EVI5L: variants seen among roughly 807,000 people sequenced by gnomAD.
EVI5L encodes ecotropic viral integration site 5 like.
In EVI5L, 30 loss-of-function variants were observed where a neutral mutation model predicts 106.1. The ratio of observed to expected loss-of-function variants is 0.28; its 90% CI spans 0.21 to 0.38. The LOEUF (loss-of-function observed/expected upper bound fraction) is 0.38, where lower values mean the gene tolerates loss of function less well. Among genes scored for constraint, EVI5L ranks in the 10% least tolerant of loss-of-function variants. The pLI is 1.00. For missense variants in EVI5L, 809 were observed against 1,098.0 expected, an observed-to-expected ratio of 0.74 and a Z score of 3.72; for synonymous variants, 489 against 483.3, an observed-to-expected ratio of 1.01 and a Z score of -0.15.
At position 7,862,238 on chromosome 19, in the gene EVI5L, C is replaced by T. The variant is rs1020595186; in HGVS notation, c.1761C>T (p.Gly587=). The T allele has an allele frequency of 4.4e-6, 7 of 1,573,364 alleles. No individual in the cohort carries two copies. Among genetic ancestry groups the T allele is most frequent in the African/African-American group, 1.3e-5 (1 of 74,246 alleles). ...GCGAGGCCCAGGCCCTGGCCGAGGG[C>T]CGCGAGCTGCGGCAGCGCGTGGTGG... ...RLREAQALAE[G]RELRQRVVEL... is the part of the protein sequence containing the mutation. The change falls in exon 16 of 20, where the codon GGC becomes GGT. Residue 587 remains glycine (G), a synonymous_variant. Coordinates refer to ENST00000538904, the MANE Select transcript of EVI5L (RefSeq NM_001159944.3).
chr19:7,854,075 A>G (rs558732926), intron 10 of EVI5L, among the ~76,000 whole-genome samples: 15 of 152,254 alleles, frequency 9.9e-5, no homozygotes, highest in African/African-American at 1.7e-4. Flanking sequence ...TGAGGTCAGG[A>G]GTTCGAGACC....
At chr19:7,832,130 A>T (rs1978296005) in intron 1 of EVI5L, among the ~76,000 whole-genome samples, 1 of 150,198 alleles carries the variant, frequency 6.7e-6, no homozygotes, top group Admixed American at 6.6e-5. Flanking sequence ...CGCCCTCCCC[A>T]CTCCCAGCTC....
intron 1 of EVI5L, among the ~76,000 whole-genome samples, chr19:7,842,588 A>G (rs575935): frequency 1 from 151,771 of 151,824 alleles, 75,859 homozygotes; most frequent in Middle Eastern, 1. Flanking sequence ...TGTATCAAGC[A>G]TGTGTGAATG....
At chr19:7,862,061 G>T in intron 15 of EVI5L, 43 bp downstream of exon 15, 1 of 1,544,400 alleles carries the variant, frequency 6.5e-7, no homozygotes. Flanking sequence ...GCCCCCTAGG[G>T]CCATCCCCTC....
intron 1 of EVI5L, among the ~76,000 whole-genome samples, chr19:7,839,599 A>G (rs1281476530): frequency 6.6e-6 from 1 of 152,106 alleles, no homozygotes; most frequent in Non-Finnish European, 1.5e-5. Flanking sequence ...GAAAGGACAG[A>G]AAGTTCAATG....
At position 7,863,743 on chromosome 19, in the gene EVI5L, C is replaced by CG; in HGVS notation, c.*47dup. On this transcript the variant is annotated 3_prime_UTR_variant, in exon 20 of 20. Coordinates refer to ENST00000538904, the MANE Select transcript of EVI5L (RefSeq NM_001159944.3). This position sits in a 1 kb window ranked among gnomAD's most constrained non-coding sequence, Gnocchi z 7.7. ...GCCCGGAGTCAGGAGGCCGCAGCCG[C>CG]GGGGGGCGCCCGGGCAGTCCGCGTT... is the stretch of plus-strand genomic sequence containing the variant. 2.1e-6 allele frequency: 3 copies of CG among 1,427,812 alleles called. No individual in the cohort carries two copies. The highest frequency in any genetic ancestry group is 2.7e-6 in the Non-Finnish European group (3 of 1,096,944). 88.4% of individuals were successfully genotyped at this position (1,427,812 alleles called of 1,614,324 possible).
chr19:7,856,999 G>A lies in EVI5L; in HGVS notation c.1201-93G>A. 1.5e-6 allele frequency: 2 copies of A among 1,325,274 alleles called. No individual in the cohort carries two copies. The highest frequency in any genetic ancestry group is 2.1e-6 in the Non-Finnish European group (2 of 941,754). The allele number at this position is 1,325,274 out of a possible 1,614,324, so 82.1% of individuals were successfully genotyped here. A position where few individuals can be genotyped will look rare whatever the true frequency, so the allele number is the denominator to read the frequency against. On this transcript the variant is annotated intron_variant, in intron 11 of 19. Coordinates refer to ENST00000538904, the MANE Select transcript of EVI5L (RefSeq NM_001159944.3). This position sits in a 1 kb window ranked among gnomAD's most constrained non-coding sequence, Gnocchi z 6.6. ...TCTAGAGATAGTCCACTGCGTTAGT[G>A]ACAAGTGGTTCTTGTCTGTCTCCCC... is the stretch of plus-strand genomic sequence containing the variant.
intron 17 of EVI5L, 128 bp from the exon 18 acceptor site, chr19:7,862,844 C>T (rs1979905508): frequency 3.5e-6 from 2 of 574,510 alleles, no homozygotes; most frequent in Non-Finnish European, 5.6e-6. Context: ...CCCCTGCCCG[C>T]GGTCCTGCCT....
At chr19:7,859,110 G>A (rs991155262) in intron 13 of EVI5L, 7 of 149,826 alleles carry the variant, frequency 4.7e-5, no homozygotes, top group African/African-American at 1.5e-4. Flanking sequence ...AGAATCACTT[G>A]AACCCGGGAG....
chr19:7,835,346 A>G lies in EVI5L; in HGVS notation c.-48+4965A>G, dbSNP rs1339008180. 6.6e-6 allele frequency among the ~76,000 whole-genome samples: 1 copy of G among 151,796 alleles called. No individual in the cohort carries two copies. Among genetic ancestry groups the G allele is most frequent in the Non-Finnish European group, 1.5e-5 (1 of 67,964 alleles). ...AACACAGTGAAACCCCGTCTCTACTAAAAATACAAAAATTAGCGAGGTATA... is the reference window on the plus strand; with the variant it reads ...AACACAGTGAAACCCCGTCTCTACTGAAAATACAAAAATTAGCGAGGTATA... On this transcript the variant is annotated intron_variant, in intron 1 of 19. Transcript: ENST00000538904. This position sits in a 1 kb window ranked among gnomAD's most constrained non-coding sequence, Gnocchi z 4.1.
At position 7,862,012 on chromosome 19, in the gene EVI5L, C is replaced by T. The variant is rs777515565; in HGVS notation, c.1638C>T (p.Thr546=). 9.1e-6 allele frequency: 14 copies of T among 1,546,082 alleles called. No homozygotes were observed. In the Admixed American group the frequency reaches 2.2e-4, roughly 24 times the overall value. The stretch of plus-strand genomic sequence containing the variant: ...TGCAGCTGCAGGAGCTCTCGGACAC[C>T]TGGCAGGTGAGGGCCGGGTGGGCGC... ...LKLQLQELSD[T]WQAHLARGGR... Residue 546 remains threonine (T), a synonymous_variant, in exon 15 of 20, where the codon ACC becomes ACT. Transcript: ENST00000538904.
intron 1 of EVI5L, among the ~76,000 whole-genome samples, chr19:7,844,153 C>G (rs924648716): frequency 2.6e-5 from 4 of 151,484 alleles, no homozygotes; most frequent in African/African-American, 9.7e-5. Flanking sequence ...GAGTTCGAGA[C>G]CAGCCTGACC....
At chr19:7,839,730 C>T (rs1978513678) in intron 1 of EVI5L, among the ~76,000 whole-genome samples, 1 of 149,574 alleles carries the variant, frequency 6.7e-6, no homozygotes, top group African/African-American at 2.5e-5. Flanking sequence ...TCAAGAGCAG[C>T]CTGGGCAACA....
chr19:7,855,089 G>A (rs1599574931), intron 10 of EVI5L, among the ~76,000 whole-genome samples: 1 of 151,776 alleles, frequency 6.6e-6, no homozygotes, highest in South Asian at 2.1e-4. Context: ...TGTCCTGGGG[G>A]AACCTAAAGT....
At chr19:7,854,250 C>G (rs1979414301) in intron 10 of EVI5L, among the ~76,000 whole-genome samples, 1 of 147,714 alleles carries the variant, frequency 6.8e-6, no homozygotes, top group Admixed American at 6.9e-5. Context: ...CCGTTGCACT[C>G]CAGCCTGGGC....
At position 7,860,594 on chromosome 19, in the gene EVI5L, C is replaced by T. The variant is rs553709080; in HGVS notation, c.1408C>T (p.His470Tyr). The change falls in exon 14 of 20, where the codon CAC becomes TAC. Residue 470 changes from histidine to tyrosine, a missense_variant. This residue lies in a region of EVI5L where 452 missense variants were observed against 509.9 expected (regional missense o/e 0.89). Coordinates refer to ENST00000538904, the MANE Select transcript of EVI5L (RefSeq NM_001159944.3). ...NPRLTEDFVS[H>Y]LETELEQSRL... ...CCGCCTCACAGAAGACTTCGTGTCC[C>T]ACCTGGAGACCGAGCTGGAGCAGTC... The T allele has an allele frequency of 6.9e-6, 11 of 1,600,060 alleles. No individual in the cohort carries two copies. In the East Asian group the frequency reaches 2.0e-4, roughly 29 times the overall value.
intron 1 of EVI5L, among the ~76,000 whole-genome samples, chr19:7,832,477 A>G (rs1362524612): frequency 2.6e-5 from 4 of 152,154 alleles, no homozygotes; most frequent in Non-Finnish European, 4.4e-5. Context: ...CAACTTCCCC[A>G]TCGGAAACTG....
rs1979576725 is a variant in EVI5L at position 7,857,306 on chromosome 19, A to G, written c.1233+182A>G. 1.4e-6 allele frequency: 1 copy of G among 739,826 alleles called. No individual in the cohort carries two copies. Among genetic ancestry groups the G allele is most frequent in the Admixed American group, 2.2e-5 (1 of 45,406 alleles). The allele number at this position is 739,826 out of a possible 1,614,324, so 45.8% of individuals were successfully genotyped here. On this transcript the variant is annotated intron_variant, in intron 12 of 19. Coordinates refer to ENST00000538904, the MANE Select transcript of EVI5L (RefSeq NM_001159944.3). This position sits in a 1 kb window ranked among gnomAD's most constrained non-coding sequence, Gnocchi z 4.5. ...CTTCCCGGGGGGGCGGGGCATGTGAAGTGGGGAGAAGGGTGTGTGTGGAGG... is the reference window on the plus strand; with the variant it reads ...CTTCCCGGGGGGGCGGGGCATGTGAGGTGGGGAGAAGGGTGTGTGTGGAGG...
intron 1 of EVI5L, among the ~76,000 whole-genome samples, chr19:7,833,333 G>A (rs919437687): frequency 2.6e-5 from 4 of 152,234 alleles, no homozygotes; most frequent in Non-Finnish European, 5.9e-5. Context: ...ACTGGCATGC[G>A]GCGGCCCCCG....
Sources: gnomAD v4.1 joint callset for allele counts (sites outside exome capture counted in the v4.1 genomes callset) on GRCh38, gnomAD v4.1.1 for gene constraint, gnomAD v4.1.1 regional missense constraint, Gnocchi (gnomAD v3.1) non-coding constraint, MANE v1.5 for transcripts, NCBI Gene and HGNC (gene_info 2026-07-23, HGNC 2026-07-21) for gene names.